The following NXPE4 variants were observed in gnomAD, a reference collection of about 807,000 sequenced individuals.
The protein encoded by NXPE4 is neurexophilin and PC-esterase domain family member 4.
NXPE4 carries 42 observed loss-of-function variants against 33.3 expected under a neutral mutation model. That is an observed-to-expected ratio of 1.26 (90% CI 0.98 to 1.63). The LOEUF (loss-of-function observed/expected upper bound fraction) is 1.63, where lower values mean the gene tolerates loss of function less well. NXPE4 is among the 40% of genes most tolerant of loss of function. The pLI, the probability that NXPE4 is intolerant of heterozygous loss-of-function variation, is 0.00. For missense variants in NXPE4, 709 were observed against 647.6 expected, an observed-to-expected ratio of 1.09 and a Z score of -1.03; for synonymous variants, 253 against 234.9, an observed-to-expected ratio of 1.08 and a Z score of -0.71.
At position 114,582,613 on chromosome 11, in the gene NXPE4, G is replaced by A; in HGVS notation, c.505C>T (p.Leu169=). ...NNGTYLVSFT[L]FWEGQVSLSL... ...AGAGAGACCTGGCCCTCCCAGAACA[G>A]AGTGAAGCTGACCAGGTAGGTGCCG... The change falls in exon 3 of 6, where the codon CTG becomes TTG. Residue 169 remains leucine (L), a synonymous_variant. Coordinates refer to ENST00000375478, the MANE Select transcript of NXPE4 (RefSeq NM_001077639.2). 1 of 1,614,144 alleles carries A rather than the reference G, an allele frequency of 6.2e-7. No homozygotes were observed. Among genetic ancestry groups the A allele is most frequent in the Non-Finnish European group, 8.5e-7 (1 of 1,179,998 alleles).
At chr11:114,643,046 C>T in the NXPE4 span, among the ~76,000 whole-genome samples, 1 of 152,106 alleles carries the variant, frequency 6.6e-6, no homozygotes, top group African/African-American at 2.4e-5. Flanking sequence ...TTGTTGGCTG[C>T]ATAAATGTCT....
upstream of NXPE4, among the ~76,000 whole-genome samples, chr11:114,599,636 G>A (rs1487630633): frequency 2.6e-5 from 4 of 152,134 alleles, no homozygotes; most frequent in African/African-American, 9.7e-5. Flanking sequence ...GCCTCAGGGA[G>A]CTTTTACTCA....
chr11:114,672,102 A>G, the NXPE4 span, among the ~76,000 whole-genome samples: 1 of 151,986 alleles, frequency 6.6e-6, no homozygotes, highest in South Asian at 2.1e-4. Flanking sequence ...ACCAGATCTC[A>G]TGAGAACTCT....
At chr11:114,603,554 G>T in the NXPE4 span, among the ~76,000 whole-genome samples, 1 of 151,344 alleles carries the variant, frequency 6.6e-6, no homozygotes, top group African/African-American at 2.4e-5. Flanking sequence ...TAACTTGGTG[G>T]ATGATAAGTA....
the NXPE4 span, among the ~76,000 whole-genome samples, chr11:114,617,298 A>C: frequency 3.4e-5 from 5 of 148,326 alleles, no homozygotes; most frequent in Non-Finnish European, 7.5e-5. Flanking sequence ...ACCATTACCC[A>C]CCAGATACTA....
chr11:114,615,494 C>G, the NXPE4 span, among the ~76,000 whole-genome samples: 1 of 151,848 alleles, frequency 6.6e-6, no homozygotes, highest in Non-Finnish European at 1.5e-5. Context: ...ACCACTGTTA[C>G]CTGGTGGATA....
At chr11:114,628,914 G>A in the NXPE4 span, among the ~76,000 whole-genome samples, 5 of 151,934 alleles carry the variant, frequency 3.3e-5, no homozygotes, top group East Asian at 1.9e-4. Flanking sequence ...ATAAACTAGA[G>A]AATCTAGAAG....
intron 5 of NXPE4, among the ~76,000 whole-genome samples, chr11:114,573,443 G>C (rs1266984488): frequency 6.9e-6 from 1 of 145,814 alleles, no homozygotes; most frequent in Non-Finnish European, 1.5e-5. Flanking sequence ...CACCAGCCAA[G>C]TTTCTGCTGT....
At chr11:114,620,585 T>TGCCTCTAGGGTA in the NXPE4 span, among the ~76,000 whole-genome samples, 1 of 152,066 alleles carries the variant, frequency 6.6e-6, no homozygotes. Flanking sequence ...TAATAAGTGT[T>TGCCTCTAGGGTA]GCCTCTAGGG....
chr11:114,594,167 G>T (rs1229237868), intron 2 of NXPE4, among the ~76,000 whole-genome samples: 2 of 152,018 alleles, frequency 1.3e-5, no homozygotes, highest in Non-Finnish European at 2.9e-5. Context: ...TTTAAAAATA[G>T]CTAAAAGAGT....
upstream of NXPE4, among the ~76,000 whole-genome samples, chr11:114,600,513 A>C (rs1034293184): frequency 6.6e-6 from 1 of 152,112 alleles, no homozygotes; most frequent in African/African-American, 2.4e-5. Context: ...CTTCAATGTA[A>C]TTATGAGAAA....
the NXPE4 span, among the ~76,000 whole-genome samples, chr11:114,608,283 C>A: frequency 6.6e-6 from 1 of 151,602 alleles, no homozygotes; most frequent in Non-Finnish European, 1.5e-5. Context: ...CCACTGTTAC[C>A]CAGTATTTAA....
At chr11:114,587,114 C>T (rs1209311002) in intron 2 of NXPE4, among the ~76,000 whole-genome samples, 2 of 152,186 alleles carry the variant, frequency 1.3e-5, no homozygotes, top group Non-Finnish European at 2.9e-5. Flanking sequence ...CTAATTCTCG[C>T]TTTTTTTGCC....
At chr11:114,616,626 C>A in the NXPE4 span, among the ~76,000 whole-genome samples, 1 of 140,132 alleles carries the variant, frequency 7.1e-6, no homozygotes, top group Non-Finnish European at 1.6e-5. Flanking sequence ...CCACAGTTAC[C>A]CACTGGATAA....
the NXPE4 span, among the ~76,000 whole-genome samples, chr11:114,676,860 A>G: frequency 1.3e-5 from 2 of 152,060 alleles, no homozygotes; most frequent in Non-Finnish European, 2.9e-5. Context: ...AACGTTAAGT[A>G]TGCATCAACA....
the NXPE4 span, among the ~76,000 whole-genome samples, chr11:114,644,565 A>G: frequency 6.6e-6 from 1 of 152,170 alleles, no homozygotes; most frequent in African/African-American, 2.4e-5. Context: ...TACAACATCT[A>G]AAATTAAAAT....
At chr11:114,665,143 C>T in the NXPE4 span, among the ~76,000 whole-genome samples, 1 of 152,090 alleles carries the variant, frequency 6.6e-6, no homozygotes, top group African/African-American at 2.4e-5. Flanking sequence ...AGTAGCCTTG[C>T]CACATCTTTC....
chr11:114,597,679 C>G (rs1949590350), upstream of NXPE4, among the ~76,000 whole-genome samples: 1 of 151,854 alleles, frequency 6.6e-6, no homozygotes, highest in Non-Finnish European at 1.5e-5. Context: ...GATTCCATCA[C>G]TTTGTCAGGG....
In NXPE4 at chr11:114,594,703, G is replaced by A; in HGVS notation, c.57C>T (p.Ala19=). Residue 19 remains alanine (A), a synonymous_variant, in exon 2 of 6, where the codon GCC becomes GCT. Coordinates refer to ENST00000375478, the MANE Select transcript of NXPE4 (RefSeq NM_001077639.2). The part of the protein sequence containing the change: ...KSLLALLFIL[A]SWIIFTVFQN... ...GGAAAACTGTAAAAATGATCCAGGA[G>A]GCTAATATAAACAACAGTGCCAATA... The A allele has an allele frequency of 1.9e-6, 3 of 1,604,498 alleles. No homozygotes were observed. Among genetic ancestry groups the A allele is most frequent in the South Asian group, 2.2e-5 (2 of 90,120 alleles).
Sources: gnomAD v4.1 joint callset for allele counts (sites outside exome capture counted in the v4.1 genomes callset) on GRCh38, gnomAD v4.1.1 for gene constraint, MANE v1.5 for transcripts, NCBI Gene and HGNC (gene_info 2026-07-23, HGNC 2026-07-21) for gene names.